Variants in MCU observed in about 807,000 individuals in gnomAD.
The protein encoded by MCU is calcium uniporter protein, mitochondrial.
In MCU, 12 loss-of-function variants were observed where a neutral mutation model predicts 45.2. That is an observed-to-expected ratio of 0.27 (90% CI 0.17 to 0.43). The LOEUF (loss-of-function observed/expected upper bound fraction) is 0.43, where lower values mean the gene tolerates loss of function less well. Ranked by LOEUF, MCU falls within the 20% of genes least tolerant of loss-of-function variation. MCU has a pLI of 1.00. For synonymous variants in MCU, 160 were observed against 165.1 expected (o/e 0.97, Z 0.24); for missense variants, 324 against 436.7 (o/e 0.74, Z 2.30).
chr10:72,730,149 T>A (rs1486752008), intron 1 of MCU, among the ~76,000 whole-genome samples: 1 of 151,442 alleles, frequency 6.6e-6, no homozygotes, highest in East Asian at 1.9e-4. Context: ...TGAGTAGAGA[T>A]GGGGTTTTAC....
At chr10:72,797,231 A>ATTTTT (rs71021532) in intron 1 of MCU, among the ~76,000 whole-genome samples, 9 of 146,996 alleles carry the variant, frequency 6.1e-5, no homozygotes, top group South Asian at 2.1e-4. Flanking sequence ...ATTTTATTTT[A>ATTTTT]TTTTTTTTTT....
At chr10:72,851,591 A>G (rs1845207474) in intron 2 of MCU, among the ~76,000 whole-genome samples, 1 of 151,934 alleles carries the variant, frequency 6.6e-6, no homozygotes, top group Non-Finnish European at 1.5e-5. Context: ...TCATGTGCTG[A>G]GTCCTCTTCT....
chr10:72,768,122 CAAAAA>C (rs1025320157), intron 1 of MCU, among the ~76,000 whole-genome samples: 1 of 146,504 alleles, frequency 6.8e-6, no homozygotes, highest in Non-Finnish European at 1.5e-5. Context: ...ACAAAAAAAA[CAAAAA>C]AACAAACAAA....
intron 1 of MCU, among the ~76,000 whole-genome samples, chr10:72,708,890 G>A (rs905137221): frequency 1.3e-5 from 2 of 152,142 alleles, no homozygotes. Context: ...AGTGGCTCAC[G>A]TTTGTAATCC....
intron 2 of MCU, among the ~76,000 whole-genome samples, chr10:72,844,256 G>A (rs1011977277): frequency 6.6e-6 from 1 of 152,050 alleles, no homozygotes; most frequent in Non-Finnish European, 1.5e-5. Flanking sequence ...GTGTGGTGGT[G>A]GGCACCTGTA....
chr10:72,725,822 T>C (rs1843090660), intron 1 of MCU, among the ~76,000 whole-genome samples: 1 of 151,818 alleles, frequency 6.6e-6, no homozygotes, highest in Non-Finnish European at 1.5e-5. Context: ...AGGTGGAGGT[T>C]GCAATGAGCC....
At chr10:72,882,013 T>G (rs1310016976) in intron 6 of MCU, among the ~76,000 whole-genome samples, 1 of 152,220 alleles carries the variant, frequency 6.6e-6, no homozygotes, top group African/African-American at 2.4e-5. Flanking sequence ...GAACGTGGAT[T>G]GTGAAGATTT....
chr10:72,701,842 CATTTCTTAA>C (rs1842762326), intron 1 of MCU, among the ~76,000 whole-genome samples: 1 of 151,984 alleles, frequency 6.6e-6, no homozygotes, highest in African/African-American at 2.4e-5. Context: ...CCACTGACTA[CATTTCTTAA>C]ATTTCTTTCC....
intron 1 of MCU, among the ~76,000 whole-genome samples, chr10:72,725,418 G>A (rs916122981): frequency 2.1e-5 from 3 of 140,734 alleles, no homozygotes; most frequent in South Asian, 2.4e-4. Context: ...GAGCCACTGC[G>A]CCTGGCCCAC....
At chr10:72,819,447 T>A (rs1157031344) in intron 1 of MCU, among the ~76,000 whole-genome samples, 1 of 152,190 alleles carries the variant, frequency 6.6e-6, no homozygotes, top group African/African-American at 2.4e-5. Context: ...TTTGTTTATT[T>A]GTTTATTTTT....
At chr10:72,695,399 A>G (rs1420170774) in intron 1 of MCU, among the ~76,000 whole-genome samples, 1 of 152,254 alleles carries the variant, frequency 6.6e-6, no homozygotes, top group African/African-American at 2.4e-5. Context: ...TGAGTTCCTC[A>G]TAGTCTGGCC....
At chr10:72,735,176 G>A (rs948334571) in intron 1 of MCU, among the ~76,000 whole-genome samples, 10 of 151,918 alleles carry the variant, frequency 6.6e-5, no homozygotes, top group Admixed American at 5.9e-4. Flanking sequence ...TAATGACATG[G>A]ATGGAATATT....
At chr10:72,844,592 T>C (rs565907984) in intron 2 of MCU, among the ~76,000 whole-genome samples, 103 of 152,162 alleles carry the variant, frequency 6.8e-4, no homozygotes, top group Non-Finnish European at 9.6e-4. Flanking sequence ...TATATAGATA[T>C]TCTGAGGATA....
chr10:72,805,101 C>CTTTCTTTCTCTTTCTT (rs1554824914), intron 1 of MCU, among the ~76,000 whole-genome samples: 36 of 103,448 alleles, frequency 3.5e-4, no homozygotes, highest in African/African-American at 1.5e-3. Context: ...TTCTTTCTTT[C>CTTTCTTTCTCTTTCTT]TCTTTCTTTC....
intron 1 of MCU, among the ~76,000 whole-genome samples, chr10:72,810,024 GTA>G (rs1388291030): frequency 3.8e-5 from 2 of 52,446 alleles, no homozygotes; most frequent in Admixed American, 2.2e-4. Context: ...GTGTGTGTTT[GTA>G]TGTGTGTGCG....
intron 1 of MCU, among the ~76,000 whole-genome samples, chr10:72,694,755 CA>C (rs1842665734): frequency 6.6e-6 from 1 of 152,214 alleles, no homozygotes; most frequent in Non-Finnish European, 1.5e-5. Context: ...AAATTACAAC[CA>C]GGGGGGCATA....
intron 1 of MCU, chr10:72,693,190 G>T (rs987038669): frequency 1.3e-5 from 12 of 931,514 alleles, no homozygotes; most frequent in Middle Eastern, 2.2e-4. Flanking sequence ...GTGTGTGTGT[G>T]TGTGTGTGTG....
rs72642247 is a variant in MCU at position 72,798,284 on chromosome 10, C to T, written c.151-36075C>T. Among the ~76,000 whole-genome samples, 364 of 152,156 alleles carry T rather than the reference C, an allele frequency of 2.4e-3. 6 individuals are homozygous for T. In the East Asian group the frequency reaches 0.045, roughly 19 times the overall value. On this transcript the variant is annotated intron_variant, in intron 1 of 7. Transcript: ENST00000373053. ...CCCATAATCCCAACATCCAAAGGTG[C>T]CCACTATTTGTTTGTTTGTTTGTTT...
intron 1 of MCU, among the ~76,000 whole-genome samples, chr10:72,752,319 C>T (rs1009100614): frequency 6.0e-5 from 9 of 150,692 alleles, no homozygotes; most frequent in Non-Finnish European, 1.3e-4. Context: ...TGGTCTTGAA[C>T]TCCTGGCCTC....
Sources: allele counts gnomAD v4.1 joint callset (sites outside exome capture counted in the v4.1 genomes callset), GRCh38; gene constraint gnomAD v4.1.1; transcripts MANE v1.5; gene names NCBI Gene and HGNC (gene_info 2026-07-23, HGNC 2026-07-21).